The following FRMPD4 variants were observed in gnomAD, a reference collection of about 807,000 sequenced individuals.
FRMPD4 encodes FERM and PDZ domain containing 4, also known as FERM and PDZ domain-containing protein 4.
In FRMPD4, 22 loss-of-function variants were observed where a neutral mutation model predicts 94.1. That is an observed-to-expected ratio of 0.23 (90% CI 0.17 to 0.33). The LOEUF (loss-of-function observed/expected upper bound fraction) is 0.33, where lower values mean the gene tolerates loss of function less well. Among genes scored for constraint, FRMPD4 ranks in the 10% least tolerant of loss-of-function variants. The probability of loss-of-function intolerance (pLI) is 1.00; values close to 1 mark genes in which losing one functional copy is unlikely to be tolerated. For missense variants in FRMPD4, 1,111 were observed against 1,339.9 expected (o/e 0.83, Z 2.67); for synonymous variants, 631 against 548.6 (o/e 1.15, Z -2.10).
At chrX:12,503,747 G>A (rs1348773153) in intron 2 of FRMPD4, among the ~76,000 whole-genome samples, 2 of 112,007 alleles carry the variant, frequency 1.8e-5, no homozygotes, top group Non-Finnish European at 3.8e-5. Flanking sequence ...ATTCTTCTGT[G>A]TGAGCCCCAA....
At position 12,710,546 on chromosome X, in the gene FRMPD4, T is replaced by C. The variant is rs1745247614; in HGVS notation, c.1609+9T>C. The C allele has an allele frequency of 8.4e-7, 1 of 1,192,969 alleles. No individual in the cohort carries two copies. The highest frequency in any genetic ancestry group is 1.1e-6 in the Non-Finnish European group (1 of 880,285). ...AGCGACCCAGGAAACAGGTATTCTC[T>C]TCCTGAACTCATCAAGCACTGACCT... On this transcript the variant is annotated intron_variant, in intron 14 of 16. Transcript: ENST00000675598.
intron 3 of FRMPD4, among the ~76,000 whole-genome samples, chrX:11,919,785 C>T (rs1468598976): frequency 9.0e-6 from 1 of 111,664 alleles, no homozygotes; most frequent in Non-Finnish European, 1.9e-5. Flanking sequence ...AAAATTTCTC[C>T]CTTCTCCTCC....
In FRMPD4 at chrX:12,721,947, C is replaced by G. The variant is rs2042248484; in HGVS notation, c.*89C>G. 1 of 335,271 alleles carries G rather than the reference C, an allele frequency of 3.0e-6. No homozygotes were observed. The highest frequency in any genetic ancestry group is 2.8e-5 in the African/African-American group (1 of 35,148). The allele number at this position is 335,271 out of a possible 1,213,427, so 27.6% of individuals were successfully genotyped here. A position where few individuals can be genotyped will look rare whatever the true frequency, so the allele number is the denominator to read the frequency against. ...TGTATGATGAACAGATGTCTCCTTT[C>G]TTCTCTCTGTATATTTTGTTATTTT... On this transcript the variant is annotated 3_prime_UTR_variant, in exon 17 of 17. Transcript: ENST00000675598.
At chrX:12,478,273 G>A (rs1377647776) in intron 1 of FRMPD4, among the ~76,000 whole-genome samples, 4 of 111,800 alleles carry the variant, frequency 3.6e-5, no homozygotes, top group Non-Finnish European at 5.6e-5. Flanking sequence ...GGGAAGGACA[G>A]GCCCTAAGAA....
intron 1 of FRMPD4, among the ~76,000 whole-genome samples, chrX:12,438,770 G>C (rs2057099233): frequency 9.0e-6 from 1 of 111,629 alleles, no homozygotes; most frequent in Non-Finnish European, 1.9e-5. Context: ...AAGTCACATG[G>C]AATTACACAA....
intron 1 of FRMPD4, among the ~76,000 whole-genome samples, chrX:12,223,663 A>G (rs747544664): frequency 1.9e-4 from 21 of 112,312 alleles, no homozygotes; most frequent in Non-Finnish European, 2.6e-4. Context: ...ACCATTTTAC[A>G]TATTCACCAG....
chrX:12,722,606 G>A lies in FRMPD4; in HGVS notation c.*748G>A, dbSNP rs1310921084. 1 of 111,328 alleles carries A rather than the reference G, an allele frequency of 9.0e-6. No individual in the cohort carries two copies. The highest frequency in any genetic ancestry group is 3.3e-5 in the African/African-American group (1 of 30,633). The allele number at this position is 111,328 out of a possible 1,213,427, so 9.2% of individuals were successfully genotyped here. On this transcript the variant is annotated 3_prime_UTR_variant, in exon 17 of 17. Transcript: ENST00000675598. ...TGGGCAGTTTCCTAGGTAACACCTA[G>A]AGTTATAGAATATCTCATTACATAA...
In FRMPD4 at chrX:12,718,111, G is replaced by A; in HGVS notation, c.3285G>A (p.Val1095=). The A allele has an allele frequency of 8.3e-7, 1 of 1,210,939 alleles. No individual in the cohort carries two copies. Among genetic ancestry groups the A allele is most frequent in the East Asian group, 3.0e-5 (1 of 33,833 alleles). Residue 1095 remains valine, a synonymous_variant, in exon 16 of 17, where the codon GTG becomes GTA. Transcript: ENST00000675598. ...AFRKDSQRWY[V]ATEGGMAEKS... is the part of the protein sequence containing the mutation. ...GCAAGGACAGTCAAAGATGGTATGT[G>A]GCCACTGAAGGTGGGATGGCTGAAA...
chrX:12,252,875 G>C (rs966306676), intron 1 of FRMPD4, among the ~76,000 whole-genome samples: 4 of 111,396 alleles, frequency 3.6e-5, no homozygotes, highest in African/African-American at 1.3e-4. Flanking sequence ...AGACAGCAAG[G>C]TCAAGGGGAG....
chrX:11,859,365 C>CAAATGATA lies in FRMPD4; in HGVS notation c.-160-5718_-160-5711dup, dbSNP rs752803076. Among the ~76,000 whole-genome samples, 5 of 112,007 alleles carry CAAATGATA rather than the reference C, an allele frequency of 4.5e-5. No homozygotes were observed. In the East Asian group the frequency reaches 1.1e-3, roughly 25 times the overall value. ...AGTGTTCAAAGGAATTTCAGGTTTT[C>CAAATGATA]AAATGATAAAGTTTTGTAAAATATA... On this transcript the variant is annotated intron_variant, in intron 1 of 18. Transcript: ENST00000640291.
chrX:12,481,801 G>C (rs1002596497), intron 1 of FRMPD4, among the ~76,000 whole-genome samples: 1 of 105,538 alleles, frequency 9.5e-6, no homozygotes, highest in East Asian at 3.0e-4. Context: ...AATTGACCGG[G>C]TGTGGTGGCG....
At chrX:11,863,807 C>G (rs1218833602) in intron 1 of FRMPD4, among the ~76,000 whole-genome samples, 1 of 111,938 alleles carries the variant, frequency 8.9e-6, no homozygotes, top group African/African-American at 3.2e-5. Flanking sequence ...CCTCAGTATC[C>G]TTTCAATACA....
chrX:12,697,333 C>A (rs1008815153), intron 9 of FRMPD4, among the ~76,000 whole-genome samples: 1 of 111,892 alleles, frequency 8.9e-6, no homozygotes, highest in African/African-American at 3.3e-5. Flanking sequence ...TGAAAACCAA[C>A]CCAGGGCTTT....
At chrX:12,226,009 A>T (rs2056918273) in intron 1 of FRMPD4, among the ~76,000 whole-genome samples, 1 of 112,128 alleles carries the variant, frequency 8.9e-6, no homozygotes, top group African/African-American at 3.2e-5. Flanking sequence ...GCATAAAATG[A>T]AAACGGTGCC....
rs56366427 is a variant in FRMPD4, at chrX:12,481,942, CAAAAAAAAAA to C, written c.42-16718_42-16709del. ...TGGGTGACAGAGCAAGACTACATCT[CAAAAAAAAAA>C]AAAAAAAAAAAAAAAAAAAGAAAGT... On this transcript the variant is annotated intron_variant, in intron 1 of 16. Transcript: ENST00000675598. Among the ~76,000 whole-genome samples, 17 of 11,583 alleles carry C rather than the reference CAAAAAAAAAA, an allele frequency of 1.5e-3. No homozygotes were observed. The East Asian group carries it at 0.034, about 23-fold the overall frequency. The allele number at this position is 11,583 out of a possible 115,157, so 10.1% of individuals were successfully genotyped here.
intron 1 of FRMPD4, among the ~76,000 whole-genome samples, chrX:12,156,216 AGT>A (rs1233282572): frequency 9.0e-6 from 1 of 111,681 alleles, no homozygotes; most frequent in Non-Finnish European, 1.9e-5. Context: ...CTCTCAAAAT[AGT>A]AGTGGTCCCT....
chrX:12,217,890 C>T (rs188671532), intron 1 of FRMPD4, among the ~76,000 whole-genome samples: 15 of 111,828 alleles, frequency 1.3e-4, no homozygotes, highest in African/African-American at 4.9e-4. Context: ...GCCATTTAAA[C>T]TAATTTTTAG....
chrX:12,082,703 T>G (rs1221834252), intron 3 of FRMPD4, among the ~76,000 whole-genome samples: 2 of 111,223 alleles, frequency 1.8e-5, no homozygotes, highest in African/African-American at 6.6e-5. Context: ...ATATTGATAG[T>G]GATATGAACA....
chrX:11,930,016 G>A (rs1441501694), intron 3 of FRMPD4, among the ~76,000 whole-genome samples: 1 of 101,733 alleles, frequency 9.8e-6, no homozygotes, highest in Admixed American at 1.1e-4. Flanking sequence ...GCTGAGGCAG[G>A]AGAATGGCGT....
Sources: allele counts gnomAD v4.1 joint callset (sites outside exome capture counted in the v4.1 genomes callset), GRCh38; gene constraint gnomAD v4.1.1; transcripts MANE v1.5; gene names NCBI Gene and HGNC (gene_info 2026-07-23, HGNC 2026-07-21).